The following TBC1D16 variants were observed in gnomAD, a reference collection of about 807,000 sequenced individuals.
TBC1D16 encodes CTD-2529O21.1.
TBC1D16 carries 58 observed loss-of-function variants against 74.7 expected under a neutral mutation model. The ratio of observed to expected loss-of-function variants is 0.78; its 90% CI spans 0.63 to 0.97. TBC1D16 has a LOEUF of 0.97. Ranked by LOEUF, TBC1D16 falls within the 50% of genes least tolerant of loss-of-function variation. The pLI, the probability that TBC1D16 is intolerant of heterozygous loss-of-function variation, is 0.00. For synonymous variants in TBC1D16, 493 were observed against 474.7 expected (o/e 1.04, Z -0.50); for missense variants, 1,014 against 1,079.5 (o/e 0.94, Z 0.85).
At chr17:79,966,975 T>C (rs573117047) in intron 3 of TBC1D16, among the ~76,000 whole-genome samples, 1 of 152,276 alleles carries the variant, frequency 6.6e-6, no homozygotes, top group East Asian at 1.9e-4. Context: ...TCTCAACAGA[T>C]GCAGAAAAAC....
rs1423978201 is a variant in TBC1D16 at position 80,010,512 on chromosome 17, C to T, written c.427G>A (p.Val143Met). The change falls in exon 3 of 12, where the codon GTG (valine) becomes ATG (methionine). Residue 143 changes from valine to methionine, a missense_variant. Physicochemically the swap from Val to Met is conservative, Grantham distance 21. Coordinates refer to ENST00000310924, the MANE Select transcript of TBC1D16 (RefSeq NM_019020.4). The surrounding 1 kb of genome is among the most constrained non-coding windows in gnomAD (Gnocchi z 8.8). ...TLTPKDEDIL[V>M]VAQSVPDRML... Reference sequence around the variant, plus strand: ...CGGTCTGGAACACTCTGGGCCACCACCAGGATGTCCTCATCTTTGGGGGTC... The same window carrying T: ...CGGTCTGGAACACTCTGGGCCACCATCAGGATGTCCTCATCTTTGGGGGTC... 6 of 1,611,190 alleles carry T rather than the reference C, an allele frequency of 3.7e-6. No homozygotes were observed. Among genetic ancestry groups the T allele is most frequent in the South Asian group, 3.3e-5 (3 of 90,688 alleles).
chr17:79,998,809 G>A (rs770843683), intron 3 of TBC1D16, among the ~76,000 whole-genome samples: 8 of 152,044 alleles, frequency 5.3e-5, no homozygotes, highest in Non-Finnish European at 1.2e-4. Context: ...TGCTTCCACC[G>A]CGCCCGTATG....
At chr17:79,945,376 G>A (rs890941749) in intron 9 of TBC1D16, among the ~76,000 whole-genome samples, 8 of 152,148 alleles carry the variant, frequency 5.3e-5, no homozygotes, top group African/African-American at 1.2e-4. Context: ...GCTGGCAGCC[G>A]CTCCATGGCC....
intron 1 of TBC1D16, among the ~76,000 whole-genome samples, chr17:80,033,347 GTTGTT>G (rs1362996087): frequency 6.7e-6 from 1 of 149,882 alleles, no homozygotes; most frequent in Non-Finnish European, 1.5e-5. Context: ...GGTTTTTGTT[GTTGTT>G]TTGTTGTTGT....
At chr17:79,977,887 G>A (rs1026805180) in intron 3 of TBC1D16, among the ~76,000 whole-genome samples, 1 of 152,238 alleles carries the variant, frequency 6.6e-6, no homozygotes, top group Non-Finnish European at 1.5e-5. Flanking sequence ...AGTTCGAAGA[G>A]GCAGAGCAAT....
chr17:79,985,853 C>T lies in TBC1D16; in HGVS notation c.779+24307G>A, dbSNP rs975703261. 1.3e-5 allele frequency among the ~76,000 whole-genome samples: 2 copies of T among 152,158 alleles called. No individual in the cohort carries two copies. The highest frequency in any genetic ancestry group is 4.8e-5 in the African/African-American group (2 of 41,438). ...AACTTCAATGCCCACAACAAACTGC[C>T]AATCAAGGCTGTGGAGGTCAAAGGG... On this transcript the variant is annotated intron_variant, in intron 3 of 11. Coordinates refer to ENST00000310924, the MANE Select transcript of TBC1D16 (RefSeq NM_019020.4). The surrounding 1 kb of genome is among the most constrained non-coding windows in gnomAD (Gnocchi z 4.9).
intron 3 of TBC1D16, among the ~76,000 whole-genome samples, chr17:79,982,066 C>T (rs541268101): frequency 4.7e-4 from 71 of 152,194 alleles, no homozygotes; most frequent in East Asian, 1.7e-3. Context: ...TTTTGAGGGC[C>T]GCTTCCACGT....
chr17:79,987,883 G>A lies in TBC1D16; in HGVS notation c.779+22277C>T, dbSNP rs553281928. The stretch of plus-strand genomic sequence containing the variant: ...AAACACATGAGTGCTGGGTGGGGGC[G>A]GGGTGCTGGGAGATGCAGAGGCTCA... On this transcript the variant is annotated intron_variant, in intron 3 of 11. Coordinates refer to ENST00000310924, the MANE Select transcript of TBC1D16 (RefSeq NM_019020.4). The surrounding 1 kb of genome is among the most constrained non-coding windows in gnomAD (Gnocchi z 5.2). Among the ~76,000 whole-genome samples, 14 of 151,990 alleles carry A rather than the reference G, an allele frequency of 9.2e-5. No individual in the cohort carries two copies. In the East Asian group the frequency reaches 1.2e-3, roughly 13 times the overall value.
In TBC1D16 at chr17:79,944,031, C is replaced by T. The variant is rs1053996614; in HGVS notation, c.1908+877G>A. On this transcript the variant is annotated intron_variant, in intron 10 of 11. Transcript: ENST00000310924. The surrounding 1 kb of genome is among the most constrained non-coding windows in gnomAD (Gnocchi z 7.7). ...ACCTAGACCCGGGCCAGGGGCGAGC[C>T]GATGACCGCATGCAAAGGCGGCGTG... 15 of 1,535,590 alleles carry T rather than the reference C, an allele frequency of 9.8e-6. No individual in the cohort carries two copies. In the Admixed American group the frequency reaches 1.6e-4, roughly 16 times the overall value.
At chr17:79,991,621 G>A (rs1568617378) in intron 3 of TBC1D16, among the ~76,000 whole-genome samples, 1 of 151,584 alleles carries the variant, frequency 6.6e-6, no homozygotes, top group Non-Finnish European at 1.5e-5. Context: ...AAATCTGCTT[G>A]GAAGGAGGCA....
At chr17:79,972,019 G>T (rs2034128840) in intron 3 of TBC1D16, among the ~76,000 whole-genome samples, 1 of 152,130 alleles carries the variant, frequency 6.6e-6, no homozygotes, top group East Asian at 1.9e-4. Flanking sequence ...TGAAAGCAGG[G>T]ACTCGAACAG....
At position 79,942,143 on chromosome 17, in the gene TBC1D16, C is replaced by T. The variant is rs139078916; in HGVS notation, c.1972G>A (p.Glu658Lys). 8.1e-6 allele frequency: 13 copies of T among 1,610,476 alleles called. No homozygotes were observed. Among genetic ancestry groups the T allele is most frequent in the East Asian group, 2.2e-5 (1 of 44,798 alleles). The change falls in exon 11 of 12, where the codon GAG becomes AAG. Residue 658 changes from glutamate (E) to lysine (K), a missense_variant. Physicochemically the swap from Glu to Lys is moderately conservative, Grantham distance 56. Transcript: ENST00000310924. ...IVAIYGDDVI[E>K]QQLATDQMLL... Reference sequence around the variant, plus strand: ...ATCTGGTCCGTGGCCAGCTGCTGCTCGATGACGTCATCCCCGTAGATGGCC... The same window carrying T: ...ATCTGGTCCGTGGCCAGCTGCTGCTTGATGACGTCATCCCCGTAGATGGCC...
chr17:79,960,345 A>G (rs1444959009), intron 3 of TBC1D16, among the ~76,000 whole-genome samples: 1 of 152,226 alleles, frequency 6.6e-6, no homozygotes, highest in Non-Finnish European at 1.5e-5. Flanking sequence ...CAAGAAGCCT[A>G]TGAAAAGGTG....
intron 1 of TBC1D16, among the ~76,000 whole-genome samples, chr17:80,019,925 G>A (rs2036228642): frequency 6.7e-6 from 1 of 149,946 alleles, no homozygotes; most frequent in Non-Finnish European, 1.5e-5. Context: ...AAATTCCTGT[G>A]TTGAAGTCTT....
At chr17:80,024,549 A>ACACATAC (rs2036454555) in intron 1 of TBC1D16, among the ~76,000 whole-genome samples, 4 of 140,282 alleles carry the variant, frequency 2.9e-5, no homozygotes, top group Non-Finnish European at 4.6e-5. Context: ...CACCATATAC[A>ACACATAC]CACACACCAC....
rs1364214963 is a variant in TBC1D16, at chr17:79,985,089, C to T, written c.779+25071G>A. On this transcript the variant is annotated intron_variant, in intron 3 of 11. Coordinates refer to ENST00000310924, the MANE Select transcript of TBC1D16 (RefSeq NM_019020.4). This position sits in a 1 kb window ranked among gnomAD's most constrained non-coding sequence, Gnocchi z 4.9. ...CAAAGTCAAGGTGCTAGTCGGGCCG[C>T]GCCCCCTCTGAAGGCTCCAGGCAAG... Among the ~76,000 whole-genome samples, 3 of 152,186 alleles carry T rather than the reference C, an allele frequency of 2.0e-5. No homozygotes were observed. Among genetic ancestry groups the T allele is most frequent in the Non-Finnish European group, 4.4e-5 (3 of 68,038 alleles).
intron 9 of TBC1D16, among the ~76,000 whole-genome samples, chr17:79,946,380 T>A (rs1229578464): frequency 6.6e-6 from 1 of 152,174 alleles, no homozygotes; most frequent in Non-Finnish European, 1.5e-5. Context: ...TGACGGCAGG[T>A]GGAGCTCAGG....
chr17:79,960,793 A>AAAC, intron 3 of TBC1D16, among the ~76,000 whole-genome samples: 1 of 144,206 alleles, frequency 6.9e-6, no homozygotes, highest in Non-Finnish European at 1.5e-5. Flanking sequence ...AAAAAAAAAA[A>AAAC]AAAAAAAAAA....
Position 80,003,644 on chromosome 17 carries a change from TA to T in TBC1D16, c.779+6515del, listed in dbSNP as rs74270527. Among the ~76,000 whole-genome samples, 958 of 132,226 alleles carry T rather than the reference TA, an allele frequency of 7.2e-3. 1 individual carries two copies. The highest frequency in any genetic ancestry group is 0.015 in the Middle Eastern group (4 of 262). The allele number at this position is 132,226 out of a possible 152,430, so 86.7% of individuals were successfully genotyped here. A position where few individuals can be genotyped will look rare whatever the true frequency, so the allele number is the denominator to read the frequency against. ...AATAACATTTTTGAAAACAGAAAAG[TA>T]AAAAAAAAAAAAAAGTGCTCATAAT... is the stretch of plus-strand genomic sequence containing the variant. On this transcript the variant is annotated intron_variant, in intron 3 of 11. Transcript: ENST00000310924.
Sources: gnomAD v4.1 joint callset for allele counts (sites outside exome capture counted in the v4.1 genomes callset) on GRCh38, gnomAD v4.1.1 for gene constraint, Gnocchi (gnomAD v3.1) non-coding constraint, MANE v1.5 for transcripts, NCBI Gene and HGNC (gene_info 2026-07-23, HGNC 2026-07-21) for gene names.